Variants in MCUB observed in about 807,000 individuals in gnomAD.
MCUB encodes calcium uniporter regulatory subunit MCUb, mitochondrial.
MCUB carries 46 observed loss-of-function variants against 41.4 expected under a neutral mutation model. The observed-to-expected ratio is 1.11, with a 90% confidence interval of 0.88 to 1.42. The LOEUF is 1.42. Ranked by LOEUF, MCUB falls within the 40% of genes most tolerant of loss-of-function variation. The pLI, the probability that MCUB is intolerant of heterozygous loss-of-function variation, is 0.00. For synonymous variants in MCUB, 148 were observed against 148.2 expected (o/e 1.00, Z 0.01); for missense variants, 403 against 404.9 (o/e 1.00, Z 0.04).
In MCUB at chr4:109,656,427, G is replaced by T. The variant is rs988486769; in HGVS notation, c.100-2584G>T. On this transcript the variant is annotated intron_variant, in intron 1 of 7. Coordinates refer to ENST00000394650, the MANE Select transcript of MCUB (RefSeq NM_017918.5). ...GTTTCCCTCTGTGGCCCAGGCTGAA[G>T]TGCAGTAGCTACAATCTCGGTTCAC... Among the ~76,000 whole-genome samples the T allele has an allele frequency of 9.9e-5, 12 of 121,502 alleles. 1 individual carries two copies. The highest frequency in any genetic ancestry group is 3.8e-4 in the African/African-American group (12 of 31,938). 79.7% of individuals were successfully genotyped at this position (121,502 alleles called of 152,430 possible). A position where few individuals can be genotyped will look rare whatever the true frequency, so the allele number is the denominator to read the frequency against.
chr4:109,584,374 A>G lies in MCUB; in HGVS notation c.99+23938A>G, dbSNP rs559814592. Reference sequence around the variant, plus strand: ...TATTAGTCTTGCTAGCAGTCTAGCAATTTTGTTGATCTTTCCAAAAAACTA... The same window carrying G: ...TATTAGTCTTGCTAGCAGTCTAGCAGTTTTGTTGATCTTTCCAAAAAACTA... On this transcript the variant is annotated intron_variant, in intron 1 of 7. Transcript: ENST00000394650. Among the ~76,000 whole-genome samples the G allele has an allele frequency of 2.0e-5, 3 of 152,120 alleles. No individual in the cohort carries two copies. The South Asian group carries it at 6.2e-4, about 32-fold the overall frequency.
intron 1 of MCUB, among the ~76,000 whole-genome samples, chr4:109,584,673 A>G (rs1453125277): frequency 6.6e-6 from 1 of 152,176 alleles, no homozygotes; most frequent in Non-Finnish European, 1.5e-5. Flanking sequence ...CATTGGTTTC[A>G]AAGAACATCT....
chr4:109,644,378 G>C (rs1319026095), intron 1 of MCUB, among the ~76,000 whole-genome samples: 1 of 152,168 alleles, frequency 6.6e-6, no homozygotes, highest in Non-Finnish European at 1.5e-5. Flanking sequence ...TCTGTCTATA[G>C]ATAGATAAGC....
chr4:109,579,193 A>G (rs1044427008), intron 1 of MCUB, among the ~76,000 whole-genome samples: 2 of 151,868 alleles, frequency 1.3e-5, no homozygotes, highest in African/African-American at 4.8e-5. Context: ...TCAGAAGTGT[A>G]TGGGTTGATT....
At chr4:109,667,617 A>ATATTTATTATGTAGAG (rs1729371613) in intron 4 of MCUB, among the ~76,000 whole-genome samples, 1 of 150,590 alleles carries the variant, frequency 6.6e-6, no homozygotes, top group African/African-American at 2.4e-5. Flanking sequence ...ATAGAATAGA[A>ATATTTATTATGTAGAG]TATATATTAT....
At position 109,581,084 on chromosome 4, in the gene MCUB, C is replaced by T. The variant is rs568573406; in HGVS notation, c.99+20648C>T. Among the ~76,000 whole-genome samples the T allele has an allele frequency of 6.6e-5, 10 of 152,198 alleles. No homozygotes were observed. In the South Asian group the frequency reaches 1.5e-3, roughly 22 times the overall value. On this transcript the variant is annotated intron_variant, in intron 1 of 7. Transcript: ENST00000394650. ...TCCACATTGCCAAGTCAATCCTAAG[C>T]GAAAAGAACAAAGCTGGAGGCATCA... is the stretch of plus-strand genomic sequence containing the variant.
Position 109,573,032 on chromosome 4 carries a change from T to A in MCUB, c.99+12596T>A, listed in dbSNP as rs140946802. 2.9e-3 allele frequency among the ~76,000 whole-genome samples: 439 copies of A among 152,352 alleles called. 3 individuals are homozygous for A. Among genetic ancestry groups the A allele is most frequent in the Non-Finnish European group, 4.8e-3 (325 of 68,036 alleles). ...TATAAACTGTACCTGTGCCCAGCAA[T>A]GTCAAAACATAAAATATCATTGTAG... is the stretch of plus-strand genomic sequence containing the variant. On this transcript the variant is annotated intron_variant, in intron 1 of 7. Coordinates refer to ENST00000394650, the MANE Select transcript of MCUB (RefSeq NM_017918.5).
chr4:109,662,009 A>C (rs11724306), intron 3 of MCUB, among the ~76,000 whole-genome samples: 1 of 151,976 alleles, frequency 6.6e-6, no homozygotes, highest in Admixed American at 6.6e-5. Flanking sequence ...CTCCAGCCTG[A>C]GTGATAGAGT....
chr4:109,574,048 G>GT (rs1429549605), intron 1 of MCUB, among the ~76,000 whole-genome samples: 1 of 151,470 alleles, frequency 6.6e-6, no homozygotes, highest in African/African-American at 2.4e-5. Context: ...TAATTTTTGC[G>GT]TTTTTAGTAC....
intron 4 of MCUB, among the ~76,000 whole-genome samples, chr4:109,675,417 C>T (rs1729550506): frequency 6.6e-6 from 1 of 152,232 alleles, no homozygotes; most frequent in Admixed American, 6.5e-5. Flanking sequence ...TCACACCACA[C>T]ACACTAAGAG....
chr4:109,640,284 G>C (rs1728686004), intron 1 of MCUB, among the ~76,000 whole-genome samples: 1 of 152,236 alleles, frequency 6.6e-6, no homozygotes, highest in African/African-American at 2.4e-5. Flanking sequence ...GTCATCTTTT[G>C]TGGTTCTTCA....
rs181775295 is a variant in MCUB, at chr4:109,654,694, T to G, written c.100-4317T>G. Among the ~76,000 whole-genome samples, 638 of 152,258 alleles carry G rather than the reference T, an allele frequency of 4.2e-3. 6 individuals carry two copies. The highest frequency in any genetic ancestry group is 0.025 in the South Asian group (119 of 4,810). On this transcript the variant is annotated intron_variant, in intron 1 of 7. Coordinates refer to ENST00000394650, the MANE Select transcript of MCUB (RefSeq NM_017918.5). The stretch of plus-strand genomic sequence containing the variant: ...TGATCTTCACATGGGCCACTTTTAG[T>G]CTCCTGCCAATAGAATGTCAAATTC...
At chr4:109,603,855 T>C (rs1237338321) in intron 1 of MCUB, among the ~76,000 whole-genome samples, 1 of 152,210 alleles carries the variant, frequency 6.6e-6, no homozygotes, top group Non-Finnish European at 1.5e-5. Context: ...GAGGAGCCTC[T>C]CTGCCCGGCC....
Position 109,684,633 on chromosome 4 carries a change from T to C in MCUB, c.803T>C (p.Ile268Thr). 1 of 1,483,486 alleles carries C rather than the reference T, an allele frequency of 6.7e-7. No homozygotes were observed. Among genetic ancestry groups the C allele is most frequent in the Non-Finnish European group, 9.4e-7 (1 of 1,061,978 alleles). The allele number at this position is 1,483,486 out of a possible 1,614,324, so 91.9% of individuals were successfully genotyped here. The change falls in exon 6 of 8, where the codon ATA becomes ACA. Residue 268 changes from isoleucine (I) to threonine (T), a missense_variant. Transcript: ENST00000394650. ...TCTATGGTCTTTTTTGCATACTTTA[T>C]AGTCACTCGACAGGTGAGTAGTTTG... ...ANSMVFFAYF[I>T]VTRQDYTYSA...
chr4:109,673,713 G>T, intron 4 of MCUB: 1 of 483,434 alleles, frequency 2.1e-6, no homozygotes, highest in Non-Finnish European at 3.6e-6. Flanking sequence ...GAAAATTTGG[G>T]GTATGAAAAT....
chr4:109,642,058 T>G (rs573028275), intron 1 of MCUB, among the ~76,000 whole-genome samples: 3 of 152,364 alleles, frequency 2.0e-5, no homozygotes, highest in Admixed American at 2.0e-4. Flanking sequence ...AATAGATAAT[T>G]GTATTGATTT....
intron 1 of MCUB, among the ~76,000 whole-genome samples, chr4:109,647,287 A>G (rs1203525780): frequency 2.6e-5 from 4 of 152,210 alleles, no homozygotes; most frequent in Non-Finnish European, 5.9e-5. Context: ...TCTACATTAT[A>G]GTGTCATACA....
At chr4:109,667,039 T>C (rs543441264) in intron 4 of MCUB, among the ~76,000 whole-genome samples, 1 of 152,292 alleles carries the variant, frequency 6.6e-6, no homozygotes, top group African/African-American at 2.4e-5. Flanking sequence ...GATATTGGTC[T>C]GTGGTTTTGT....
intron 1 of MCUB, among the ~76,000 whole-genome samples, chr4:109,588,009 T>A (rs1727349692): frequency 1.3e-5 from 2 of 152,238 alleles, no homozygotes; most frequent in Non-Finnish European, 2.9e-5. Context: ...AACCTTAAAG[T>A]GTTGCGTTAA....
Sources: gnomAD v4.1 joint callset for allele counts (sites outside exome capture counted in the v4.1 genomes callset) on GRCh38, gnomAD v4.1.1 for gene constraint, MANE v1.5 for transcripts, NCBI Gene and HGNC (gene_info 2026-07-23, HGNC 2026-07-21) for gene names.